The following SH2B3 variants were observed in gnomAD, a reference collection of about 807,000 sequenced individuals.
SH2B3 encodes the protein SH2B adapter protein 3.
SH2B3 carries 43 observed loss-of-function variants against 51.9 expected under a neutral mutation model. That is an observed-to-expected ratio of 0.83 (90% CI 0.65 to 1.07). SH2B3 has a LOEUF of 1.07. Ranked by LOEUF, SH2B3 falls within the 50% of genes least tolerant of loss-of-function variation. The pLI is 0.00. For missense variants in SH2B3, 952 were observed against 834.3 expected, an observed-to-expected ratio of 1.14 and a Z score of -1.74; for synonymous variants, 396 against 376.0, an observed-to-expected ratio of 1.05 and a Z score of -0.62.
At chr12:111,421,137 T>C (rs1035522807) in intron 2 of SH2B3, among the ~76,000 whole-genome samples, 8 of 152,134 alleles carry the variant, frequency 5.3e-5, no homozygotes, top group African/African-American at 1.4e-4. Context: ...AGGTTGCCTT[T>C]GTTTTATTTT....
Position 111,406,575 on chromosome 12 carries a change from G to C in SH2B3, c.-28+298G>C, listed in dbSNP as rs1167376313. ...CCCCAGCCCACCCTACGGTAGCCTCGCCGGTTGGGGGCGGCCCTCCCCTCA... is the reference window on the plus strand; with the variant it reads ...CCCCAGCCCACCCTACGGTAGCCTCCCCGGTTGGGGGCGGCCCTCCCCTCA... On this transcript the variant is annotated intron_variant, in intron 1 of 7. Transcript: ENST00000341259. This position sits in a 1 kb window ranked among gnomAD's most constrained non-coding sequence, Gnocchi z 5.7. Among the ~76,000 whole-genome samples, 1 of 152,206 alleles carries C rather than the reference G, an allele frequency of 6.6e-6. No homozygotes were observed. The highest frequency in any genetic ancestry group is 1.5e-5 in the Non-Finnish European group (1 of 68,036).
intron 2 of SH2B3, among the ~76,000 whole-genome samples, chr12:111,424,295 C>G (rs1474926375): frequency 6.6e-6 from 1 of 151,954 alleles, no homozygotes. Context: ...GTTCCTACCC[C>G]ATAGGGCTGT....
intron 2 of SH2B3, chr12:111,444,678 CCT>C: frequency 2.1e-6 from 2 of 964,654 alleles, no homozygotes; most frequent in South Asian, 9.6e-5. Context: ...GCTTGTCTCC[CCT>C]CTCACCCATC....
intron 1 of SH2B3, among the ~76,000 whole-genome samples, chr12:111,415,608 T>TTG (rs1182318962): frequency 6.6e-6 from 1 of 151,340 alleles, no homozygotes; most frequent in Non-Finnish European, 1.5e-5. Flanking sequence ...GTTTTTGTTT[T>TTG]TGTGTGTGTG....
chr12:111,406,414 G>A lies in SH2B3; in HGVS notation c.-28+137G>A, dbSNP rs3742003. ...CAAAATACTGCCCTGCAGCCAACTC[G>A]GATGGAGGCGTTCCGGGGTGACGGC... On this transcript the variant is annotated intron_variant, in intron 1 of 7. Transcript: ENST00000341259. This position sits in a 1 kb window ranked among gnomAD's most constrained non-coding sequence, Gnocchi z 5.7. 57,520 of 152,392 alleles carry A rather than the reference G, an allele frequency of 0.38. 14,907 individuals carry two copies. The highest frequency in any genetic ancestry group is 0.89 in the East Asian group (4,573 of 5,160). The allele number at this position is 152,392 out of a possible 1,614,324, so 9.4% of individuals were successfully genotyped here. A position where few individuals can be genotyped will look rare whatever the true frequency, so the allele number is the denominator to read the frequency against.
chr12:111,408,019 A>AGGTGGTGGTGGT (rs1243250616), intron 1 of SH2B3, among the ~76,000 whole-genome samples: 6 of 152,164 alleles, frequency 3.9e-5, no homozygotes, highest in Non-Finnish European at 8.8e-5. Context: ...GTTCAGTTGC[A>AGGTGGTGGTGGT]GGTGGTGGTG....
rs1272859627 is a variant in SH2B3, at chr12:111,449,638, T to TGACA, written c.*1338_*1341dup. 6.6e-6 allele frequency: 1 copy of TGACA among 152,318 alleles called. No individual in the cohort carries two copies. The highest frequency in any genetic ancestry group is 1.5e-5 in the Non-Finnish European group (1 of 68,136). 9.4% of individuals were successfully genotyped at this position (152,318 alleles called of 1,614,324 possible). A position where few individuals can be genotyped will look rare whatever the true frequency, so the allele number is the denominator to read the frequency against. ...TCTGGAGGCTCAGAAACGGGGGCAG[T>TGACA]GACAGTGGAGTCAGCTGCTCTTGGG... On this transcript the variant is annotated 3_prime_UTR_variant, in exon 8 of 8. Coordinates refer to ENST00000341259, the MANE Select transcript of SH2B3 (RefSeq NM_005475.3).
Position 111,418,997 on chromosome 12 carries a change from G to T in SH2B3, c.732+120G>T. The T allele has an allele frequency of 5.1e-6, 5 of 981,400 alleles. No individual in the cohort carries two copies. Among genetic ancestry groups the T allele is most frequent in the Non-Finnish European group, 6.9e-6 (5 of 729,100 alleles). 60.8% of individuals were successfully genotyped at this position (981,400 alleles called of 1,614,324 possible). On this transcript the variant is annotated intron_variant, in intron 2 of 7. Transcript: ENST00000341259. This position sits in a 1 kb window ranked among gnomAD's most constrained non-coding sequence, Gnocchi z 6.7. ...AGCTGGTGGCCACAGAGTGTCCAGA[G>T]GGAACTAGGCCCTCTTAAAAAAGAA...
chr12:111,444,781 C>A (rs981642940), intron 2 of SH2B3: 7 of 985,522 alleles, frequency 7.1e-6, no homozygotes, highest in Non-Finnish European at 8.4e-6. Context: ...TCGACTGAAG[C>A]AGGGGTTGTC....
intron 2 of SH2B3, among the ~76,000 whole-genome samples, chr12:111,423,708 C>T (rs1871752729): frequency 6.6e-6 from 1 of 151,586 alleles, no homozygotes; most frequent in African/African-American, 2.4e-5. Flanking sequence ...AGTGGCTGGG[C>T]GCAGTGGCTC....
chr12:111,420,558 C>G (rs573377619), intron 2 of SH2B3, among the ~76,000 whole-genome samples: 8 of 152,174 alleles, frequency 5.3e-5, no homozygotes, highest in South Asian at 2.1e-4. Flanking sequence ...CGTGGTAGGG[C>G]CTTACTCTAG....
chr12:111,439,037 A>G (rs1367774212), intron 2 of SH2B3, among the ~76,000 whole-genome samples: 3 of 152,062 alleles, frequency 2.0e-5, no homozygotes, highest in African/African-American at 7.2e-5. Flanking sequence ...CAGTGGCGCA[A>G]TCTTGGCTTA....
intron 2 of SH2B3, among the ~76,000 whole-genome samples, chr12:111,433,834 G>A (rs1392890631): frequency 1.3e-5 from 2 of 152,018 alleles, no homozygotes; most frequent in African/African-American, 2.4e-5. Context: ...GGCTGGTCTC[G>A]AACACCTGGA....
chr12:111,418,889 C>T lies in SH2B3; in HGVS notation c.732+12C>T. 7.2e-7 allele frequency: 1 copy of T among 1,396,144 alleles called. No homozygotes were observed. The allele number at this position is 1,396,144 out of a possible 1,614,324, so 86.5% of individuals were successfully genotyped here. On this transcript the variant is annotated intron_variant, in intron 2 of 7. Coordinates refer to ENST00000341259, the MANE Select transcript of SH2B3 (RefSeq NM_005475.3). The surrounding 1 kb of genome is among the most constrained non-coding windows in gnomAD (Gnocchi z 6.7). ...TCGACCCACCCAAGGTAAGTAAGCC[C>T]TGCCCGCGGGGTTGCGCACTGCACT... is the stretch of plus-strand genomic sequence containing the variant.
At chr12:111,414,303 C>T (rs1870918092) in intron 1 of SH2B3, among the ~76,000 whole-genome samples, 1 of 152,104 alleles carries the variant, frequency 6.6e-6, no homozygotes, top group Non-Finnish European at 1.5e-5. Context: ...ACAAAACTGT[C>T]GACTGTAGCA....
chr12:111,420,367 CAAAAAAA>C lies in SH2B3; in HGVS notation c.732+1508_732+1514del, dbSNP rs59301682. Among the ~76,000 whole-genome samples, 504 of 64,474 alleles carry C rather than the reference CAAAAAAA, an allele frequency of 7.8e-3. 2 individuals carry two copies. The highest frequency in any genetic ancestry group is 0.031 in the South Asian group (54 of 1,722). 42.3% of individuals were successfully genotyped at this position (64,474 alleles called of 152,430 possible). A position where few individuals can be genotyped will look rare whatever the true frequency, so the allele number is the denominator to read the frequency against. On this transcript the variant is annotated intron_variant, in intron 2 of 7. Coordinates refer to ENST00000341259, the MANE Select transcript of SH2B3 (RefSeq NM_005475.3). ...TGGGTGACAGAGCGAGACCCTGTCT[CAAAAAAA>C]AAAAAAAAAAAAAAAAAGTTCTTTT...
Position 111,418,676 on chromosome 12 carries a change from C to T in SH2B3, c.531C>T (p.Gly177=). Residue 177 remains glycine, a synonymous_variant, in exon 2 of 8, where the codon GGC becomes GGT. Coordinates refer to ENST00000341259, the MANE Select transcript of SH2B3 (RefSeq NM_005475.3). This position sits in a 1 kb window ranked among gnomAD's most constrained non-coding sequence, Gnocchi z 6.7. ...GEAAETPARP[G]LAKKFLPWSL... ...CTGCTGAGACCCCCGCCCGGCCTGG[C>T]CTGGCCAAGAAGTTCCTGCCCTGGA... The T allele has an allele frequency of 6.7e-7, 1 of 1,491,024 alleles. No homozygotes were observed. The highest frequency in any genetic ancestry group is 8.9e-7 in the Non-Finnish European group (1 of 1,128,490). 92.4% of individuals were successfully genotyped at this position (1,491,024 alleles called of 1,614,324 possible).
intron 1 of SH2B3, among the ~76,000 whole-genome samples, chr12:111,414,375 T>G (rs1050438937): frequency 1.3e-5 from 2 of 152,046 alleles, no homozygotes; most frequent in Non-Finnish European, 2.9e-5. Context: ...GAGGGCTGCT[T>G]GAGCCCAGGA....
rs994525107 is a variant in SH2B3 at position 111,429,415 on chromosome 12, A to C, written c.732+10538A>C. ...GGTGTGATTTTGGCTCACTGCAACC[A>C]CCGCCTCCAGGGTTCAAGCAATTCT... On this transcript the variant is annotated intron_variant, in intron 2 of 7. Coordinates refer to ENST00000341259, the MANE Select transcript of SH2B3 (RefSeq NM_005475.3). The surrounding 1 kb of genome is among the most constrained non-coding windows in gnomAD (Gnocchi z 4.4). Among the ~76,000 whole-genome samples, 1 of 151,986 alleles carries C rather than the reference A, an allele frequency of 6.6e-6. No homozygotes were observed. The highest frequency in any genetic ancestry group is 1.5e-5 in the Non-Finnish European group (1 of 67,976).
Sources: allele counts gnomAD v4.1 joint callset (sites outside exome capture counted in the v4.1 genomes callset), GRCh38; gene constraint gnomAD v4.1.1; non-coding constraint Gnocchi (gnomAD v3.1); transcripts MANE v1.5; gene names NCBI Gene and HGNC (gene_info 2026-07-23, HGNC 2026-07-21).